Variants in RNF130 observed in about 807,000 individuals in gnomAD.
RNF130 encodes the protein ring finger protein 130.
RNF130 carries 21 observed loss-of-function variants against 44.6 expected under a neutral mutation model. The observed-to-expected ratio is 0.47, with a 90% confidence interval of 0.33 to 0.68. RNF130 has a LOEUF of 0.68. RNF130 is among the 30% of genes least tolerant of loss of function. The pLI, the probability that RNF130 is intolerant of heterozygous loss-of-function variation, is 0.02. For synonymous variants in RNF130, 214 were observed against 210.4 expected, an observed-to-expected ratio of 1.02 and a Z score of -0.15; for missense variants, 479 against 560.6, an observed-to-expected ratio of 0.85 and a Z score of 1.47.
At chr5:179,967,751 T>C (rs752347711) in intron 6 of RNF130, among the ~76,000 whole-genome samples, 1 of 152,188 alleles carries the variant, frequency 6.6e-6, no homozygotes, top group Non-Finnish European at 1.5e-5. Context: ...GAAGTTTGTA[T>C]GTTTATAGAG....
At position 179,963,568 on chromosome 5, in the gene RNF130, T is replaced by C; in HGVS notation, c.1151-4A>G. 2 of 1,604,050 alleles carry C rather than the reference T, an allele frequency of 1.2e-6. No individual in the cohort carries two copies. Among genetic ancestry groups the C allele is most frequent in the Non-Finnish European group, 8.5e-7 (1 of 1,171,268 alleles). On this transcript the variant is annotated splice_region_variant and splice_polypyrimidine_tract_variant and intron_variant, in intron 7 of 8. Transcript: ENST00000521389. ...CTGGCAATAATAAACCATTCTTCTG[T>C]TGACAAAGGAAAGGGAGGAAATCAC...
chr5:180,010,748 G>T (rs1763574508), intron 3 of RNF130, among the ~76,000 whole-genome samples: 1 of 152,190 alleles, frequency 6.6e-6, no homozygotes, highest in South Asian at 2.1e-4. Context: ...GGGGAAGGAG[G>T]GAGGTGGCTG....
chr5:179,961,257 T>C (rs1344204446), intron 8 of RNF130, among the ~76,000 whole-genome samples: 1 of 152,146 alleles, frequency 6.6e-6, no homozygotes, highest in Non-Finnish European at 1.5e-5. Context: ...ACACACACTC[T>C]CTCCATTTTT....
intron 6 of RNF130, among the ~76,000 whole-genome samples, chr5:179,968,432 GA>G (rs1378054339): frequency 1.3e-5 from 2 of 152,142 alleles, no homozygotes; most frequent in Non-Finnish European, 2.9e-5. Flanking sequence ...GTGGGAGGCC[GA>G]GAAGGGCAGA....
At chr5:179,911,967 C>T (rs1454669561) in exon 8 of RNF130, 1 of 152,204 alleles carries the variant, frequency 6.6e-6, no homozygotes, top group Non-Finnish European at 1.5e-5. Context: ...CTGGCACAAG[C>T]TATCCAATGA....
At chr5:180,069,154 T>C (rs1765185026) in intron 1 of RNF130, among the ~76,000 whole-genome samples, 2 of 152,238 alleles carry the variant, frequency 1.3e-5, no homozygotes, top group Admixed American at 1.3e-4. Flanking sequence ...AAGATTTAGA[T>C]TTCATATAAA....
intron 2 of RNF130, among the ~76,000 whole-genome samples, chr5:180,031,509 G>C (rs1488739602): frequency 6.6e-6 from 1 of 152,130 alleles, no homozygotes; most frequent in African/African-American, 2.4e-5. Context: ...TTAAATTTGG[G>C]GGGAGGCAAA....
chr5:179,983,875 G>T (rs912247384), intron 3 of RNF130, among the ~76,000 whole-genome samples: 1 of 152,112 alleles, frequency 6.6e-6, no homozygotes, highest in Non-Finnish European at 1.5e-5. Context: ...TTATTGTTAA[G>T]AATTTCCTAT....
intron 3 of RNF130, among the ~76,000 whole-genome samples, chr5:180,001,792 G>C (rs187284935): frequency 1.3e-5 from 2 of 152,324 alleles, no homozygotes; most frequent in East Asian, 1.9e-4. Flanking sequence ...GGATAGCACA[G>C]TGATAATTCC....
At chr5:180,016,345 C>CACAA (rs1561693936) in intron 2 of RNF130, among the ~76,000 whole-genome samples, 3 of 23,442 alleles carry the variant, frequency 1.3e-4, no homozygotes, top group African/African-American at 7.0e-4. Context: ...CCCAGTTTCA[C>CACAA]GCCAAAGGAA....
intron 1 of RNF130, among the ~76,000 whole-genome samples, chr5:180,054,992 G>A (rs1048569047): frequency 6.6e-6 from 1 of 151,946 alleles, no homozygotes; most frequent in Admixed American, 6.6e-5. Context: ...TTATCTATGG[G>A]TGTTCCTAAA....
At chr5:179,956,267 T>C (rs938950871) in intron 8 of RNF130, 1 of 152,588 alleles carries the variant, frequency 6.6e-6, no homozygotes, top group East Asian at 1.9e-4. Context: ...TTCCTGCTCA[T>C]TTCCAGGGTC....
At chr5:179,957,000 G>A (rs1582139614) in intron 8 of RNF130, among the ~76,000 whole-genome samples, 1 of 152,334 alleles carries the variant, frequency 6.6e-6, no homozygotes, top group South Asian at 2.1e-4. Flanking sequence ...ATTATTTCTT[G>A]TAGTTCCTAT....
intron 1 of RNF130, among the ~76,000 whole-genome samples, chr5:180,070,826 T>C (rs1765237295): frequency 6.6e-6 from 1 of 152,234 alleles, no homozygotes; most frequent in African/African-American, 2.4e-5. Context: ...ATTTCCCTTT[T>C]GGTCGGCACC....
At chr5:179,967,371 T>C (rs1226919712) in intron 6 of RNF130, among the ~76,000 whole-genome samples, 1 of 152,260 alleles carries the variant, frequency 6.6e-6, no homozygotes, top group African/African-American at 2.4e-5. Flanking sequence ...TAAATGTCCA[T>C]GTTGAAGAAT....
chr5:180,005,137 C>G (rs568871490), intron 3 of RNF130, among the ~76,000 whole-genome samples: 1 of 152,114 alleles, frequency 6.6e-6, no homozygotes, highest in South Asian at 2.1e-4. Flanking sequence ...GCTAAAAAAC[C>G]GTACTGATGG....
intron 7 of RNF130, 74 bp downstream of exon 7, chr5:179,966,732 T>G: frequency 1.0e-5 from 14 of 1,359,100 alleles, no homozygotes; most frequent in Non-Finnish European, 1.2e-5. Flanking sequence ...GCGAGTGCCT[T>G]GACTCTCCTG....
At chr5:180,051,481 C>T (rs1267124751) in intron 1 of RNF130, among the ~76,000 whole-genome samples, 1 of 152,092 alleles carries the variant, frequency 6.6e-6, no homozygotes, top group Non-Finnish European at 1.5e-5. Flanking sequence ...TTGTGATCTG[C>T]TTGCCTGGGC....
chr5:179,940,608 T>C lies in RNF130; in HGVS notation c.1151-20182A>G, dbSNP rs571611048. On this transcript the variant is annotated intron_variant, in intron 7 of 7. Coordinates refer to the RNF130 transcript ENST00000522208. ...ATCTCAATTTTAAAAACTTTAAAAA[T>C]TGAGATAAAGTATCTTTTTCTCTGC... Among the ~76,000 whole-genome samples, 6 of 152,332 alleles carry C rather than the reference T, an allele frequency of 3.9e-5. No individual in the cohort carries two copies. In the East Asian group the frequency reaches 1.2e-3, roughly 29 times the overall value.
Sources: allele counts gnomAD v4.1 joint callset (sites outside exome capture counted in the v4.1 genomes callset), GRCh38; gene constraint gnomAD v4.1.1; transcripts MANE v1.5; gene names NCBI Gene and HGNC (gene_info 2026-07-23, HGNC 2026-07-21).